NPFFR2: variants seen among roughly 807,000 people sequenced by gnomAD.
NPFFR2 encodes the protein G-protein coupled receptor 74.
A neutral mutation model predicts 13.1 loss-of-function variants in NPFFR2; 15 were observed. The observed-to-expected ratio is 1.15, with a 90% CI of 0.77 to 1.76. The LOEUF (loss-of-function observed/expected upper bound fraction) is 1.76. NPFFR2 is among the 40% of genes most tolerant of loss of function. The pLI is 0.00. For missense variants in NPFFR2, 572 were observed against 503.5 expected (o/e 1.14, Z -1.30); for synonymous variants, 190 against 175.7 (o/e 1.08, Z -0.65).
intron 1 of NPFFR2, among the ~76,000 whole-genome samples, chr4:72,084,781 T>C (rs1216577398): frequency 6.6e-6 from 1 of 152,130 alleles, no homozygotes; most frequent in African/African-American, 2.4e-5. Context: ...CTGGAGTCAG[T>C]AGATAAATGC....
At chr4:72,038,785 T>C (rs1330957056) in intron 1 of NPFFR2, among the ~76,000 whole-genome samples, 1 of 152,022 alleles carries the variant, frequency 6.6e-6, no homozygotes. Flanking sequence ...GGCATGATTT[T>C]TCATGTTTAA....
rs1195913098 is a variant in NPFFR2 at position 72,052,049 on chromosome 4, C to T, written c.-8+19849C>T. Reference sequence around the variant, plus strand: ...GTCCAGGACCAGATGGATTCACAGCCGAATTCTACCAGAGGTAAAAGGAGG... The same window carrying T: ...GTCCAGGACCAGATGGATTCACAGCTGAATTCTACCAGAGGTAAAAGGAGG... On this transcript the variant is annotated intron_variant, in intron 1 of 3. Coordinates refer to ENST00000308744, the MANE Select transcript of NPFFR2 (RefSeq NM_004885.3). Among the ~76,000 whole-genome samples, 3 of 49,312 alleles carry T rather than the reference C, an allele frequency of 6.1e-5. 1 individual carries two copies. The highest frequency in any genetic ancestry group is 6.0e-4 in the South Asian group (1 of 1,658). 32.4% of individuals were successfully genotyped at this position (49,312 alleles called of 152,430 possible).
chr4:72,109,161 G>T (rs1460081099), intron 1 of NPFFR2, among the ~76,000 whole-genome samples: 2 of 151,914 alleles, frequency 1.3e-5, no homozygotes, highest in African/African-American at 2.4e-5. Flanking sequence ...TCAGAGAAAA[G>T]AAGTCCAAGG....
intron 1 of NPFFR2, among the ~76,000 whole-genome samples, chr4:72,038,905 C>CTTTTTTTTTTTTTTTTTTTTT (rs1158358179): frequency 1.2e-5 from 1 of 84,754 alleles, no homozygotes; most frequent in Non-Finnish European, 2.1e-5. Flanking sequence ...AATTTCCTTT[C>CTTTTTTTTTTTTTTTTTTTTT]TTTTTTTTTT....
At chr4:72,104,332 C>T (rs114795923) in intron 1 of NPFFR2, among the ~76,000 whole-genome samples, 2,717 of 152,126 alleles carry the variant, frequency 0.018, 89 homozygotes, top group African/African-American at 0.062. Context: ...AGGCATGGGA[C>T]TTTGCCTCAT....
At chr4:72,046,849 G>A (rs1719395312) in intron 1 of NPFFR2, among the ~76,000 whole-genome samples, 1 of 152,170 alleles carries the variant, frequency 6.6e-6, no homozygotes, top group Non-Finnish European at 1.5e-5. Flanking sequence ...AATATTAAAG[G>A]TAAAGGCCAT....
At chr4:72,125,439 A>G (rs544105660) in intron 1 of NPFFR2, among the ~76,000 whole-genome samples, 3 of 152,234 alleles carry the variant, frequency 2.0e-5, no homozygotes, top group South Asian at 2.1e-4. Context: ...ATTGGGAAGT[A>G]TAGGTGGTCT....
At chr4:72,088,424 A>G in intron 1 of NPFFR2, among the ~76,000 whole-genome samples, 1 of 152,220 alleles carries the variant, frequency 6.6e-6, no homozygotes, top group Non-Finnish European at 1.5e-5. Flanking sequence ...TAAGTAATAT[A>G]GCTTACATTT....
At chr4:72,079,313 T>C (rs1368886357) in intron 1 of NPFFR2, among the ~76,000 whole-genome samples, 1 of 152,156 alleles carries the variant, frequency 6.6e-6, no homozygotes, top group Non-Finnish European at 1.5e-5. Context: ...CTTCTATTTT[T>C]TTTAGTTCCT....
At chr4:72,115,065 A>G (rs1173917006) in intron 1 of NPFFR2, among the ~76,000 whole-genome samples, 1 of 152,186 alleles carries the variant, frequency 6.6e-6, no homozygotes, top group Non-Finnish European at 1.5e-5. Flanking sequence ...AGATGTTATC[A>G]TATTGCACAT....
intron 1 of NPFFR2, among the ~76,000 whole-genome samples, chr4:72,096,402 T>C (rs1453821698): frequency 6.6e-6 from 1 of 152,192 alleles, no homozygotes; most frequent in Non-Finnish European, 1.5e-5. Context: ...AACATCATAT[T>C]TAATAAATGC....
intron 2 of NPFFR2, among the ~76,000 whole-genome samples, chr4:72,136,561 C>T (rs1560422567): frequency 6.6e-6 from 1 of 152,168 alleles, no homozygotes; most frequent in African/African-American, 2.4e-5. Context: ...AAATTCCCAA[C>T]TGTAAAAATC....
At chr4:72,090,995 G>A (rs965242860) in intron 1 of NPFFR2, among the ~76,000 whole-genome samples, 5 of 151,544 alleles carry the variant, frequency 3.3e-5, no homozygotes, top group African/African-American at 1.2e-4. Flanking sequence ...TTATCTGCCA[G>A]TTTTGCTGGG....
At chr4:72,048,089 T>C (rs749936875) in intron 1 of NPFFR2, among the ~76,000 whole-genome samples, 37 of 149,782 alleles carry the variant, frequency 2.5e-4, no homozygotes, top group East Asian at 2.3e-3. Context: ...CACACACACA[T>C]ATATGTTTAT....
At chr4:72,102,139 C>A (rs1238639287) in intron 1 of NPFFR2, among the ~76,000 whole-genome samples, 1 of 151,900 alleles carries the variant, frequency 6.6e-6, no homozygotes, top group Non-Finnish European at 1.5e-5. Flanking sequence ...TGGGTTTATT[C>A]TCCTTAATCA....
At chr4:72,086,130 T>TA (rs1560406887) in intron 1 of NPFFR2, among the ~76,000 whole-genome samples, 1 of 152,106 alleles carries the variant, frequency 6.6e-6, no homozygotes, top group Non-Finnish European at 1.5e-5. Flanking sequence ...AAGTGTAAAA[T>TA]AAATGTGTTT....
chr4:72,118,998 T>C (rs1721791323), intron 1 of NPFFR2, among the ~76,000 whole-genome samples: 1 of 152,156 alleles, frequency 6.6e-6, no homozygotes, highest in Non-Finnish European at 1.5e-5. Flanking sequence ...TAATGACTTC[T>C]GACATGAAGG....
chr4:72,104,810 T>A (rs945852106), intron 1 of NPFFR2, among the ~76,000 whole-genome samples: 7 of 151,984 alleles, frequency 4.6e-5, no homozygotes, highest in African/African-American at 1.7e-4. Context: ...TACAGGAGAA[T>A]TAGTATGAAA....
intron 1 of NPFFR2, among the ~76,000 whole-genome samples, chr4:72,079,469 T>C (rs947059518): frequency 6.6e-6 from 1 of 152,080 alleles, no homozygotes; most frequent in African/African-American, 2.4e-5. Flanking sequence ...CAATCAGCAC[T>C]ATAATTAAGA....
Sources: allele counts gnomAD v4.1 joint callset (sites outside exome capture counted in the v4.1 genomes callset), GRCh38; gene constraint gnomAD v4.1.1; transcripts MANE v1.5; gene names NCBI Gene and HGNC (gene_info 2026-07-23, HGNC 2026-07-21).